The following MAML3 variants were observed in gnomAD, a reference collection of about 807,000 sequenced individuals.
MAML3 encodes the protein mastermind-like protein 3.
In MAML3, 27 loss-of-function variants were observed where a neutral mutation model predicts 101.9. The ratio of observed to expected loss-of-function variants is 0.27; its 90% CI spans 0.20 to 0.37. The LOEUF (loss-of-function observed/expected upper bound fraction) is 0.37, where lower values mean the gene tolerates loss of function less well. MAML3 is among the 10% of genes least tolerant of loss of function. MAML3 has a pLI of 1.00. For missense variants in MAML3, 1,316 were observed against 1,444.9 expected, an observed-to-expected ratio of 0.91 and a Z score of 1.45; for synonymous variants, 501 against 555.9, an observed-to-expected ratio of 0.90 and a Z score of 1.39.
chr4:139,962,069 G>C (rs895548197), intron 1 of MAML3, among the ~76,000 whole-genome samples: 1 of 152,058 alleles, frequency 6.6e-6, no homozygotes, highest in Non-Finnish European at 1.5e-5. Context: ...GCTGCAGTGA[G>C]CCAAGATCAT....
chr4:139,780,623 CTTTT>C (rs35929438), intron 2 of MAML3, among the ~76,000 whole-genome samples: 3 of 136,946 alleles, frequency 2.2e-5, no homozygotes, highest in Admixed American at 7.4e-5. Context: ...TCTTTCTTTT[CTTTT>C]TTTTTTTTTT....
At chr4:140,091,756 C>T (rs1044198749) in intron 1 of MAML3, among the ~76,000 whole-genome samples, 2 of 151,950 alleles carry the variant, frequency 1.3e-5, no homozygotes, top group Non-Finnish European at 2.9e-5. Context: ...CCAAACTAAT[C>T]ATCTTAATGG....
At chr4:139,771,625 T>C (rs1729982041) in intron 2 of MAML3, among the ~76,000 whole-genome samples, 1 of 152,216 alleles carries the variant, frequency 6.6e-6, no homozygotes, top group South Asian at 2.1e-4. Flanking sequence ...AGAGTTTAGC[T>C]GGCGGAAATA....
chr4:139,808,479 CG>C (rs1730738211), intron 2 of MAML3, among the ~76,000 whole-genome samples: 1 of 152,180 alleles, frequency 6.6e-6, no homozygotes, highest in African/African-American at 2.4e-5. Flanking sequence ...TTTCAGAGTT[CG>C]GTCCTTAGTG....
intron 1 of MAML3, among the ~76,000 whole-genome samples, chr4:139,991,672 A>G (rs1734675492): frequency 6.6e-6 from 1 of 152,230 alleles, no homozygotes; most frequent in African/African-American, 2.4e-5. Flanking sequence ...TGTTTTACTG[A>G]GGTAAAATTT....
At chr4:139,895,748 C>A (rs565697561) in intron 1 of MAML3, among the ~76,000 whole-genome samples, 1 of 152,154 alleles carries the variant, frequency 6.6e-6, no homozygotes. Context: ...ATTTGCAATT[C>A]AAGTCCAAGT....
At chr4:139,748,252 G>T (rs1272149058) in intron 2 of MAML3, among the ~76,000 whole-genome samples, 1 of 152,020 alleles carries the variant, frequency 6.6e-6, no homozygotes, top group Non-Finnish European at 1.5e-5. Context: ...TGGGGCACTT[G>T]AGCCATAAGA....
chr4:139,971,127 A>T (rs1734228069), intron 1 of MAML3, among the ~76,000 whole-genome samples: 1 of 152,216 alleles, frequency 6.6e-6, no homozygotes, highest in African/African-American at 2.4e-5. Flanking sequence ...AAGTGGAACC[A>T]CCAGCTTCCA....
chr4:139,764,318 C>T (rs575367059), intron 2 of MAML3, among the ~76,000 whole-genome samples: 6 of 152,300 alleles, frequency 3.9e-5, no homozygotes, highest in South Asian at 4.2e-4. Context: ...CACCAATGCC[C>T]GGCTGGAAAG....
In MAML3 at chr4:139,718,120, C is replaced by G. The variant is rs962521063; in HGVS notation, c.*1203G>C. On this transcript the variant is annotated 3_prime_UTR_variant, in exon 5 of 5. Coordinates refer to ENST00000509479, the MANE Select transcript of MAML3 (RefSeq NM_018717.5). ...CTCCCAGGATTTCGCCCAAAGGGAG[C>G]CTGAACCAGTGACCTCCAGGCCACT... is the stretch of plus-strand genomic sequence containing the variant. The G allele has an allele frequency of 1.3e-5, 2 of 152,126 alleles. No homozygotes were observed. The highest frequency in any genetic ancestry group is 2.9e-5 in the Non-Finnish European group (2 of 68,008). The allele number at this position is 152,126 out of a possible 1,614,324, so 9.4% of individuals were successfully genotyped here.
chr4:139,865,272 T>A (rs1578637391), intron 2 of MAML3, among the ~76,000 whole-genome samples: 1 of 152,266 alleles, frequency 6.6e-6, no homozygotes, highest in Non-Finnish European at 1.5e-5. Context: ...GTGTTTTCTT[T>A]TAGGGGATAC....
chr4:139,831,250 G>A (rs1349447969), intron 2 of MAML3, among the ~76,000 whole-genome samples: 2 of 152,032 alleles, frequency 1.3e-5, no homozygotes, highest in East Asian at 1.9e-4. Flanking sequence ...AAAATCCTCA[G>A]GGTAAAAATT....
At position 139,945,976 on chromosome 4, in the gene MAML3, T is replaced by C. The variant is rs114092558; in HGVS notation, c.469-55009A>G. Among the ~76,000 whole-genome samples the C allele has an allele frequency of 8.2e-3, 1,251 of 152,354 alleles. 21 individuals are homozygous for C. The highest frequency in any genetic ancestry group is 0.028 in the African/African-American group (1,173 of 41,578). On this transcript the variant is annotated intron_variant, in intron 1 of 4. Coordinates refer to ENST00000509479, the MANE Select transcript of MAML3 (RefSeq NM_018717.5). Reference sequence around the variant, plus strand: ...TATGCACTGCACACCTTCTCAGTCCTGATTAACTACATTCTATTTTAGCAC... The same window carrying C: ...TATGCACTGCACACCTTCTCAGTCCCGATTAACTACATTCTATTTTAGCAC...
At position 140,069,778 on chromosome 4, in the gene MAML3, T is replaced by G. The variant is rs552223174; in HGVS notation, c.468+83082A>C. On this transcript the variant is annotated intron_variant, in intron 1 of 4. Coordinates refer to ENST00000509479, the MANE Select transcript of MAML3 (RefSeq NM_018717.5). ...AAGGACTACAGAATAGAATACATAG[T>G]AAAATCATACCATGGAGAAAGATCG... Among the ~76,000 whole-genome samples, 27 of 151,002 alleles carry G rather than the reference T, an allele frequency of 1.8e-4. No individual in the cohort carries two copies. The South Asian group carries it at 5.4e-3, about 30-fold the overall frequency.
intron 1 of MAML3, among the ~76,000 whole-genome samples, chr4:140,151,660 T>A (rs756239495): frequency 2.2e-5 from 3 of 136,966 alleles, no homozygotes; most frequent in Non-Finnish European, 4.7e-5. Context: ...TCCCGTCGCC[T>A]GGCCCACCCA....
chr4:140,069,360 G>GAAGA (rs1727592360), intron 1 of MAML3, among the ~76,000 whole-genome samples: 3 of 33,752 alleles, frequency 8.9e-5, no homozygotes, highest in Admixed American at 3.6e-4. Context: ...GAAGGAGAAG[G>GAAGA]AGAAGAAGAA....
Position 140,084,654 on chromosome 4 carries a change from G to A in MAML3, c.468+68206C>T, listed in dbSNP as rs574801034. Among the ~76,000 whole-genome samples, 39 of 151,940 alleles carry A rather than the reference G, an allele frequency of 2.6e-4. No homozygotes were observed. In the Middle Eastern group the frequency reaches 0.01, roughly 40 times the overall value. The stretch of plus-strand genomic sequence containing the variant: ...TCGTTACTATGAAGCACGACCTAAC[G>A]CCAGCATTTATTTCCTGACCTCCAA... On this transcript the variant is annotated intron_variant, in intron 1 of 4. Coordinates refer to ENST00000509479, the MANE Select transcript of MAML3 (RefSeq NM_018717.5).
intron 1 of MAML3, among the ~76,000 whole-genome samples, chr4:140,012,150 C>G (rs13151315): frequency 0.27 from 40,762 of 151,866 alleles, 6,671 homozygotes; most frequent in Non-Finnish European, 0.37. Context: ...AGTTTGGCAA[C>G]CCAAAAAATT....
At chr4:139,753,939 T>G (rs1424142587) in intron 2 of MAML3, among the ~76,000 whole-genome samples, 1 of 152,220 alleles carries the variant, frequency 6.6e-6, no homozygotes, top group African/African-American at 2.4e-5. Context: ...TAACTCTGTC[T>G]GGAGACTGGG....
Sources: gnomAD v4.1 joint callset for allele counts (sites outside exome capture counted in the v4.1 genomes callset) on GRCh38, gnomAD v4.1.1 for gene constraint, MANE v1.5 for transcripts, NCBI Gene and HGNC (gene_info 2026-07-23, HGNC 2026-07-21) for gene names.